Variants in CCDC142 observed in about 807,000 individuals in gnomAD.
CCDC142 encodes the protein coiled-coil domain-containing protein 142.
Under a neutral mutation model 83.8 loss-of-function variants are expected in CCDC142, and 67 were observed. That is an observed-to-expected ratio of 0.80 (90% CI 0.66 to 0.98). CCDC142 has a LOEUF of 0.98. CCDC142 is among the 50% of genes least tolerant of loss of function. The probability of loss-of-function intolerance (pLI) is 0.00; values close to 1 mark genes in which losing one functional copy is unlikely to be tolerated. For missense variants in CCDC142, 905 were observed against 946.8 expected, an observed-to-expected ratio of 0.96 and a Z score of 0.58; for synonymous variants, 421 against 421.2, an observed-to-expected ratio of 1.00 and a Z score of 0.01.
rs771587451 is a variant in CCDC142 at position 74,482,865 on chromosome 2, C to G, written c.-28G>C. 1 of 1,586,682 alleles carries G rather than the reference C, an allele frequency of 6.3e-7. No individual in the cohort carries two copies. The highest frequency in any genetic ancestry group is 1.7e-5 in the Admixed American group (1 of 59,180). ...GGCGGCGGGTCCAGAACGAACCTAA[C>G]GATTCCCACTTCCCTGCACGGACCA... On this transcript the variant is annotated 5_prime_UTR_variant, in exon 1 of 9. Transcript: ENST00000393965. The surrounding 1 kb of genome is among the most constrained non-coding windows in gnomAD (Gnocchi z 5.0).
chr2:74,481,272 C>G lies in CCDC142; in HGVS notation c.1209G>C (p.Leu403Phe). ...GTAACCTGGGCTCTCGAAGGGCATC[C>G]AAGAGAGGAGGAAAGAGCTGCTGCA... ...ELLQQLFPPL[L>F]DALREPRLRR... Residue 403 changes from leucine to phenylalanine, a missense_variant, in exon 3 of 9, where the codon TTG becomes TTC. Around this residue, in one of 3 missense-constraint regions of CCDC142, gnomAD observed 591 missense variants for 571.4 expected, o/e 1.03. Coordinates refer to ENST00000393965, the MANE Select transcript of CCDC142 (RefSeq NM_001365575.2). The G allele has an allele frequency of 6.2e-7, 1 of 1,614,084 alleles. No individual in the cohort carries two copies. Among genetic ancestry groups the G allele is most frequent in the Non-Finnish European group, 8.5e-7 (1 of 1,180,008 alleles).
chr2:74,475,411 G>C lies in CCDC142; in HGVS notation c.1619-9C>G, dbSNP rs931082848. Reference sequence around the variant, plus strand: ...AGGAGCACTGGGAGGTTCTGGAATAGAGAAGACAGAATATAAGGCTGTGGA... The same window carrying C: ...AGGAGCACTGGGAGGTTCTGGAATACAGAAGACAGAATATAAGGCTGTGGA... On this transcript the variant is annotated splice_polypyrimidine_tract_variant and intron_variant, in intron 6 of 8. Transcript: ENST00000393965. 8 of 1,566,020 alleles carry C rather than the reference G, an allele frequency of 5.1e-6. No homozygotes were observed. In the Admixed American group the frequency reaches 5.6e-5, roughly 11 times the overall value.
intron 8 of CCDC142, 32 bp downstream of exon 8, chr2:74,474,884 C>A: frequency 6.3e-6 from 10 of 1,580,258 alleles, no homozygotes; most frequent in Non-Finnish European, 7.7e-6. Flanking sequence ...GTTTGGGACA[C>A]ACAAAGCAGT....
chr2:74,481,612 G>A, intron 1 of CCDC142, 74 bp from the exon 2 acceptor site: 1 of 1,454,338 alleles, frequency 6.9e-7, no homozygotes, highest in Non-Finnish European at 9.6e-7. Context: ...TCAATGATGA[G>A]GCAAGAAGGC....
Position 74,474,927 on chromosome 2 carries a change from G to A in CCDC142, c.1985C>T (p.Pro662Leu). Reference sequence around the variant, plus strand: ...GGGGAGTAACTCACAGCAACAGGGGGGCCTCCTGTGGACTTGAGACTTGGG... The same window carrying A: ...GGGGAGTAACTCACAGCAACAGGGGAGCCTCCTGTGGACTTGAGACTTGGG... ...PLPKSQVHRR[P>L]PCCCACQEVQ... is the part of the protein sequence containing the mutation. The change falls in exon 8 of 9, where the codon CCC (proline) becomes CTC (leucine). Residue 662 changes from proline (P) to leucine (L), a missense_variant. By Grantham distance (98) the Pro-to-Leu change is moderately conservative. This residue lies in a region of CCDC142 where 265 missense variants were observed against 288.9 expected (regional missense o/e 0.92). Transcript: ENST00000393965. 1.3e-6 allele frequency: 2 copies of A among 1,594,904 alleles called. No individual in the cohort carries two copies. Among genetic ancestry groups the A allele is most frequent in the Non-Finnish European group, 1.7e-6 (2 of 1,169,578 alleles).
In CCDC142 at chr2:74,474,721, G is replaced by T. The variant is rs1672279858; in HGVS notation, c.2078C>A (p.Pro693His). 1.2e-6 allele frequency: 2 copies of T among 1,614,090 alleles called. No homozygotes were observed. Among genetic ancestry groups the T allele is most frequent in the African/African-American group, 2.7e-5 (2 of 74,938 alleles). Reference protein sequence around the residue: ...SLESLEPPLQPGTSPAQTGQL... With the variant: ...SLESLEPPLQHGTSPAQTGQL... ...ACCTGTCTGGGCTGGAGATGTTCCA[G>T]GCTGGAGCGGGGGCTCCAAGCTCTC... Residue 693 changes from proline to histidine, a missense_variant, in exon 9 of 9, where the codon CCT becomes CAT. Physicochemically the swap from Pro to His is moderately conservative, Grantham distance 77 (BLOSUM62 -2). Transcript: ENST00000393965.
chr2:74,481,157 A>C, intron 3 of CCDC142, 66 bp downstream of exon 3: 1 of 1,611,186 alleles, frequency 6.2e-7, no homozygotes, highest in Non-Finnish European at 8.5e-7. Context: ...CAGATTTCAG[A>C]ACAGAGTGAA....
chr2:74,473,726 T>C lies in CCDC142; in HGVS notation c.*820A>G, dbSNP rs1672243948. On this transcript the variant is annotated 3_prime_UTR_variant, in exon 9 of 9. Transcript: ENST00000393965. ...TTCAGGTTCCAGGCTATGGTCTTGC[T>C]CTTTACTCTGGATTCCAGGTGCTGG... 1.3e-5 allele frequency: 2 copies of C among 151,056 alleles called. No individual in the cohort carries two copies. Among genetic ancestry groups the C allele is most frequent in the Non-Finnish European group, 2.9e-5 (2 of 67,994 alleles). The allele number at this position is 151,056 out of a possible 1,614,324, so 9.4% of individuals were successfully genotyped here. A position where few individuals can be genotyped will look rare whatever the true frequency, so the allele number is the denominator to read the frequency against.
chr2:74,480,010 T>C (rs1427583955), intron 5 of CCDC142, among the ~76,000 whole-genome samples: 1 of 152,262 alleles, frequency 6.6e-6, no homozygotes. Flanking sequence ...AAATCATTAA[T>C]GAAGGCAAGT....
Position 74,482,197 on chromosome 2 carries a change from G to A in CCDC142, c.641C>T (p.Thr214Ile), listed in dbSNP as rs1356155514. ...GTGGCTCAAGGCTTTTCTCTGTAGT[G>A]TGTGGTAGGCGGGAAGTGCAAAGAG... ...ELLFALPAYH[T>I]LQRKALSHVP... Residue 214 changes from threonine to isoleucine, a missense_variant, in exon 1 of 9, where the codon ACA becomes ATA. Around this residue, in one of 3 missense-constraint regions of CCDC142, gnomAD observed 591 missense variants for 571.4 expected, o/e 1.03. Transcript: ENST00000393965. The surrounding 1 kb of genome is among the most constrained non-coding windows in gnomAD (Gnocchi z 5.0). 7 of 1,613,706 alleles carry A rather than the reference G, an allele frequency of 4.3e-6. No homozygotes were observed. The highest frequency in any genetic ancestry group is 5.9e-6 in the Non-Finnish European group (7 of 1,179,936).
At chr2:74,480,637 G>A (rs1008649265) in intron 5 of CCDC142, 132 bp downstream of exon 5, 6 of 568,780 alleles carry the variant, frequency 1.1e-5, no homozygotes, top group African/African-American at 9.5e-5. Context: ...AATGAACAGA[G>A]CAAAAAAAGA....
rs753602658 is a variant in CCDC142, at chr2:74,481,060, A to G, written c.1285T>C (p.Cys429Arg). 2 of 1,613,950 alleles carry G rather than the reference A, an allele frequency of 1.2e-6. No homozygotes were observed. Among genetic ancestry groups the G allele is most frequent in the South Asian group, 1.1e-5 (1 of 91,072 alleles). ...CAGAGCAAGGTGGTCTGAAGGGTAC[A>G]GAGACCTAGGGCGACAGGCGCAGGA... ...ADPAPVALGLCTLQTTLLWFL... is the reference protein window; with the variant it reads ...ADPAPVALGLRTLQTTLLWFL... Residue 429 changes from cysteine (C) to arginine (R), a missense_variant, in exon 4 of 9, where the codon TGT (cysteine) becomes CGT (arginine). This residue lies in a region of CCDC142 where 591 missense variants were observed against 571.4 expected (regional missense o/e 1.03). Coordinates refer to ENST00000393965, the MANE Select transcript of CCDC142 (RefSeq NM_001365575.2).
At position 74,482,946 on chromosome 2, in the gene CCDC142, G is replaced by C. The variant is rs1672592052; in HGVS notation, c.-109C>G. 3 of 1,553,434 alleles carry C rather than the reference G, an allele frequency of 1.9e-6. No individual in the cohort carries two copies. Among genetic ancestry groups the C allele is most frequent in the Admixed American group, 1.8e-5 (1 of 56,514 alleles). ...CGCAAGAGCCGTTTTCTCCAGTCCGGGAGTCGCGGGGACCTTCATGGACTC... is the reference window on the plus strand; with the variant it reads ...CGCAAGAGCCGTTTTCTCCAGTCCGCGAGTCGCGGGGACCTTCATGGACTC... On this transcript the variant is annotated 5_prime_UTR_variant, in exon 1 of 9. Transcript: ENST00000393965. The surrounding 1 kb of genome is among the most constrained non-coding windows in gnomAD (Gnocchi z 5.0).
At chr2:74,475,528 G>T (rs772250321) in intron 6 of CCDC142, 84 bp downstream of exon 6, 2 of 1,454,254 alleles carry the variant, frequency 1.4e-6, no homozygotes, top group Non-Finnish European at 9.5e-7. Flanking sequence ...GATGGAGACA[G>T]TGGAGGGGAA....
At position 74,482,622 on chromosome 2, in the gene CCDC142, C is replaced by G. The variant is rs1193356909; in HGVS notation, c.216G>C (p.Ala72=). 2 of 1,610,130 alleles carry G rather than the reference C, an allele frequency of 1.2e-6. No individual in the cohort carries two copies. Among genetic ancestry groups the G allele is most frequent in the Non-Finnish European group, 1.7e-6 (2 of 1,178,442 alleles). ...CACCTGCGGGCCCCCGCCTCCAGGC[C>G]GCAGCATCAGCCTCGTAGTCCTCGC... The part of the protein sequence containing the change: ...DVSEDYEADA[A]AWRRGPAGGG... The change falls in exon 1 of 9, where the codon GCG becomes GCC. Residue 72 remains alanine (A), a synonymous_variant. Transcript: ENST00000393965. This position sits in a 1 kb window ranked among gnomAD's most constrained non-coding sequence, Gnocchi z 5.0.
In CCDC142 at chr2:74,482,595, G is replaced by GCC; in HGVS notation, c.241_242dup (p.Gly82AlafsTer42). 6.2e-7 allele frequency: 1 copy of GCC among 1,603,742 alleles called. No individual in the cohort carries two copies. Among genetic ancestry groups the GCC allele is most frequent in the East Asian group, 2.2e-5 (1 of 44,696 alleles). On this transcript the variant is annotated frameshift_variant, in exon 1 of 9. Coordinates refer to ENST00000393965, the MANE Select transcript of CCDC142 (RefSeq NM_001365575.2). LOFTEE classifies it high-confidence loss of function. This position sits in a 1 kb window ranked among gnomAD's most constrained non-coding sequence, Gnocchi z 5.0. ...GCTGCAGCGCGGGAGGGATCGGGCC[G>GCC]CCACCTGCGGGCCCCCGCCTCCAGG...
At chr2:74,476,745 T>C (rs1672335119) in intron 5 of CCDC142, among the ~76,000 whole-genome samples, 1 of 152,250 alleles carries the variant, frequency 6.6e-6, no homozygotes, top group Admixed American at 6.5e-5. Flanking sequence ...AGCTGGTTTC[T>C]GCTCTACAGC....
At position 74,482,802 on chromosome 2, in the gene CCDC142, T is replaced by TGG; in HGVS notation, c.34_35dup (p.Leu13HisfsTer8). The TGG allele has an allele frequency of 6.3e-7, 1 of 1,599,782 alleles. No homozygotes were observed. Among genetic ancestry groups the TGG allele is most frequent in the South Asian group, 1.1e-5 (1 of 91,070 alleles). ...CCCTCAGCGGGGGCACGATAACGAG[T>TGG]GGAGGCAGGCTACCTGAGCGAGACG... On this transcript the variant is annotated frameshift_variant, in exon 1 of 9. Coordinates refer to ENST00000393965, the MANE Select transcript of CCDC142 (RefSeq NM_001365575.2). LOFTEE classifies it high-confidence loss of function. The surrounding 1 kb of genome is among the most constrained non-coding windows in gnomAD (Gnocchi z 5.0).
At position 74,474,805 on chromosome 2, in the gene CCDC142, G is replaced by A. The variant is rs1672282433; in HGVS notation, c.1997-3C>T. 1.2e-6 allele frequency: 2 copies of A among 1,604,468 alleles called. No homozygotes were observed. Among genetic ancestry groups the A allele is most frequent in the South Asian group, 2.2e-5 (2 of 90,240 alleles). ...GGTCTGGACCTCCTGACAAGCACCT[G>A]GTAAGGCAGGAGTGGAAGGTAGGTG... On this transcript the variant is annotated splice_polypyrimidine_tract_variant and splice_region_variant and intron_variant, in intron 8 of 8. Transcript: ENST00000393965.
Sources: allele counts gnomAD v4.1 joint callset (sites outside exome capture counted in the v4.1 genomes callset), GRCh38; gene constraint gnomAD v4.1.1; regional missense constraint gnomAD v4.1.1; non-coding constraint Gnocchi (gnomAD v3.1); transcripts MANE v1.5; gene names NCBI Gene and HGNC (gene_info 2026-07-23, HGNC 2026-07-21).